SLC15A4: variants seen among roughly 807,000 people sequenced by gnomAD.
SLC15A4 encodes hPHT1.
A neutral mutation model predicts 46.1 loss-of-function variants in SLC15A4; 26 were observed. The ratio of observed to expected loss-of-function variants is 0.56; its 90% CI spans 0.41 to 0.78. SLC15A4 has a LOEUF of 0.78. SLC15A4 is among the 30% of genes least tolerant of loss of function. The probability of loss-of-function intolerance (pLI) is 0.00; values close to 1 mark genes in which losing one functional copy is unlikely to be tolerated. For missense variants in SLC15A4, 751 were observed against 755.7 expected (o/e 0.99, Z 0.07); for synonymous variants, 370 against 333.4 (o/e 1.11, Z -1.20).
At chr12:128,801,477 T>C (rs1414319807) in intron 5 of SLC15A4, 4 of 154,744 alleles carry the variant, frequency 2.6e-5, no homozygotes, top group Non-Finnish European at 5.7e-5. Context: ...CAAATGATGA[T>C]AATAATGATG....
intron 2 of SLC15A4, 146 bp from the exon 3 acceptor site, chr12:128,810,257 C>A: frequency 1.5e-6 from 1 of 676,316 alleles, no homozygotes; most frequent in Non-Finnish European, 2.5e-6. Context: ...TGTACACACC[C>A]AACACAGCTA....
chr12:128,823,575 C>A lies in SLC15A4; in HGVS notation c.369G>T (p.Leu123=). ...GCGCGGCTCGCGTGGCGGGCGCGGCCAGCAGCGGGAAGGCCAGCATGCCCA... is the reference window on the plus strand; with the variant it reads ...GCGCGGCTCGCGTGGCGGGCGCGGCAAGCAGCGGGAAGGCCAGCATGCCCA... The part of the protein sequence containing the change: ...YLLGMLAFPL[L]AAPATRAALC... The change falls in exon 1 of 8, where the codon CTG becomes CTT. Residue 123 remains leucine, a synonymous_variant. Transcript: ENST00000266771. 2 of 1,444,088 alleles carry A rather than the reference C, an allele frequency of 1.4e-6. No homozygotes were observed. Among genetic ancestry groups the A allele is most frequent in the Non-Finnish European group, 1.8e-6 (2 of 1,106,232 alleles). 89.5% of individuals were successfully genotyped at this position (1,444,088 alleles called of 1,614,324 possible).
At chr12:128,816,447 T>C (rs761312125) in intron 1 of SLC15A4, among the ~76,000 whole-genome samples, 1 of 152,116 alleles carries the variant, frequency 6.6e-6, no homozygotes, top group Non-Finnish European at 1.5e-5. Flanking sequence ...TATGAAAGAG[T>C]TAGAAAATTC....
intron 7 of SLC15A4, 136 bp downstream of exon 7, chr12:128,799,123 G>T: frequency 1.1e-6 from 1 of 880,878 alleles, no homozygotes; most frequent in Non-Finnish European, 1.8e-6. Flanking sequence ...GAGCAGTGCT[G>T]TGGAAGGAGC....
chr12:128,796,448 AAAAAAAAAAAC>A (rs540568666), intron 7 of SLC15A4, among the ~76,000 whole-genome samples: 26,730 of 137,424 alleles, frequency 0.19, 3,600 homozygotes, highest in South Asian at 0.32. Flanking sequence ...AAAAAAAAAA[AAAAAAAAAAAC>A]CCACACATCT....
intron 1 of SLC15A4, among the ~76,000 whole-genome samples, chr12:128,816,861 T>C (rs1955759606): frequency 6.6e-6 from 1 of 152,210 alleles, no homozygotes; most frequent in Non-Finnish European, 1.5e-5. Context: ...AATAAGCACA[T>C]GCATCTTTTT....
At chr12:128,798,207 T>C (rs1176794997) in intron 7 of SLC15A4, among the ~76,000 whole-genome samples, 1 of 152,266 alleles carries the variant, frequency 6.6e-6, no homozygotes, top group Non-Finnish European at 1.5e-5. Flanking sequence ...GACTTTGGTC[T>C]TTCTTTGAAG....
chr12:128,796,205 A>G (rs900701991), intron 7 of SLC15A4, among the ~76,000 whole-genome samples: 4 of 152,036 alleles, frequency 2.6e-5, no homozygotes, highest in Non-Finnish European at 4.4e-5. Flanking sequence ...TGGGTGATCA[A>G]CTGAGGTCAG....
chr12:128,810,321 T>A, intron 2 of SLC15A4: 1 of 527,044 alleles, frequency 1.9e-6, no homozygotes, highest in Admixed American at 3.5e-5. Flanking sequence ...ACAAAGGGAC[T>A]TTCTAGTCAA....
intron 5 of SLC15A4, among the ~76,000 whole-genome samples, chr12:128,805,723 G>T (rs1350841143): frequency 6.6e-6 from 1 of 152,034 alleles, no homozygotes; most frequent in Non-Finnish European, 1.5e-5. Flanking sequence ...GTAGAGATGG[G>T]GTTTCACCAT....
At chr12:128,805,643 A>C (rs1343580381) in intron 5 of SLC15A4, among the ~76,000 whole-genome samples, 1 of 152,090 alleles carries the variant, frequency 6.6e-6, no homozygotes, top group African/African-American at 2.4e-5. Context: ...AGCGATTCTC[A>C]TATCTCAGCC....
In SLC15A4 at chr12:128,793,662, T is replaced by C. The variant is rs3765108; in HGVS notation, c.*534A>G. Reference sequence around the variant, plus strand: ...ATCAAAGAACATGGCAAGAGCAAGATTGTTCTCAGGAAGGAAACCATAAAT... The same window carrying C: ...ATCAAAGAACATGGCAAGAGCAAGACTGTTCTCAGGAAGGAAACCATAAAT... On this transcript the variant is annotated 3_prime_UTR_variant, in exon 8 of 8. Coordinates refer to ENST00000266771, the MANE Select transcript of SLC15A4 (RefSeq NM_145648.4). 0.27 allele frequency: 41,521 copies of C among 152,082 alleles called. 6,155 individuals are homozygous for C. Among genetic ancestry groups the C allele is most frequent in the Non-Finnish European group, 0.33 (22,260 of 67,984 alleles). The allele number at this position is 152,082 out of a possible 1,614,324, so 9.4% of individuals were successfully genotyped here.
chr12:128,803,250 G>A (rs1420075164), intron 5 of SLC15A4, among the ~76,000 whole-genome samples: 2 of 152,160 alleles, frequency 1.3e-5, no homozygotes, highest in Non-Finnish European at 2.9e-5. Flanking sequence ...GTAAATAAAG[G>A]AGAGGACAGG....
At chr12:128,814,735 A>G in intron 2 of SLC15A4, 40 bp downstream of exon 2, 1 of 1,596,880 alleles carries the variant, frequency 6.3e-7, no homozygotes, top group Non-Finnish European at 8.6e-7. Context: ...AGATCGATAA[A>G]GTCCTTTCAA....
intron 5 of SLC15A4, chr12:128,801,255 CAG>C: frequency 2.7e-6 from 1 of 366,356 alleles, no homozygotes; most frequent in Non-Finnish European, 4.9e-6. Flanking sequence ...TATATAAAAT[CAG>C]ATGTTCAACA....
At position 128,815,457 on chromosome 12, in the gene SLC15A4, G is replaced by A. The variant is rs59845124; in HGVS notation, c.547-387C>T. Reference sequence around the variant, plus strand: ...TCCTAGCACTTTGGGAGGCTGAGGCGTGTGGATCACTTGAGGTATGGAGTT... The same window carrying A: ...TCCTAGCACTTTGGGAGGCTGAGGCATGTGGATCACTTGAGGTATGGAGTT... On this transcript the variant is annotated intron_variant, in intron 1 of 7. Coordinates refer to ENST00000266771, the MANE Select transcript of SLC15A4 (RefSeq NM_145648.4). 688 of 192,930 alleles carry A rather than the reference G, an allele frequency of 3.6e-3. 6 individuals carry two copies. The highest frequency in any genetic ancestry group is 0.015 in the African/African-American group (625 of 42,776). The allele number at this position is 192,930 out of a possible 1,614,324, so 12.0% of individuals were successfully genotyped here.
Position 128,799,328 on chromosome 12 carries a change from C to A in SLC15A4, c.1504G>T (p.Val502Leu), listed in dbSNP as rs773837932. 2.2e-5 allele frequency: 35 copies of A among 1,614,006 alleles called. No individual in the cohort carries two copies. Among genetic ancestry groups the A allele is most frequent in the Non-Finnish European group, 2.8e-5 (33 of 1,180,036 alleles). ...FFFFSGVGSF[V>L]GSGLLALVSI... ...ACCAGTGCCAGCAGTCCAGAACCCA[C>A]GAACGACCCGACGCCAGAGAAGAAA... Residue 502 changes from valine (V) to leucine (L), a missense_variant, in exon 7 of 8, where the codon GTG becomes TTG. Coordinates refer to ENST00000266771, the MANE Select transcript of SLC15A4 (RefSeq NM_145648.4).
chr12:128,801,267 A>G, intron 5 of SLC15A4: 1 of 328,942 alleles, frequency 3.0e-6, no homozygotes, highest in Non-Finnish European at 5.6e-6. Context: ...GATGTTCAAC[A>G]TGTTTCATTT....
chr12:128,809,859 C>T, intron 3 of SLC15A4, 84 bp downstream of exon 3: 7 of 1,394,690 alleles, frequency 5.0e-6, no homozygotes, highest in Admixed American at 4.6e-5. Context: ...CTAGTCCTAC[C>T]TACTTTAGAA....
Sources: gnomAD v4.1 joint callset for allele counts (sites outside exome capture counted in the v4.1 genomes callset) on GRCh38, gnomAD v4.1.1 for gene constraint, MANE v1.5 for transcripts, NCBI Gene and HGNC (gene_info 2026-07-23, HGNC 2026-07-21) for gene names.